The following TMEM236 variants were observed in gnomAD, a reference collection of about 807,000 sequenced individuals.
TMEM236 encodes the protein family with sequence similarity 23, member A.
In TMEM236, 11 loss-of-function variants were observed where a neutral mutation model predicts 14.7. That is an observed-to-expected ratio of 0.75 (90% CI 0.47 to 1.24). The LOEUF is 1.24. Ranked by LOEUF, TMEM236 falls within the 50% of genes most tolerant of loss-of-function variation. The pLI, the probability that TMEM236 is intolerant of heterozygous loss-of-function variation, is 0.00. For synonymous variants in TMEM236, 182 were observed against 168.6 expected (o/e 1.08, Z -0.62); for missense variants, 464 against 427.3 (o/e 1.09, Z -0.76).
chr10:17,788,488 C>T (rs1837872406), intron 3 of TMEM236, among the ~76,000 whole-genome samples: 1 of 151,124 alleles, frequency 6.6e-6, no homozygotes, highest in Non-Finnish European at 1.5e-5. Flanking sequence ...TGGTGGCTCA[C>T]ACCTGTAATC....
chr10:17,758,789 G>T (rs963754567), intron 1 of TMEM236, among the ~76,000 whole-genome samples: 2 of 152,196 alleles, frequency 1.3e-5, no homozygotes, highest in Non-Finnish European at 2.9e-5. Flanking sequence ...GGAGAATTTT[G>T]TAGGTTTCTT....
intron 2 of TMEM236, among the ~76,000 whole-genome samples, chr10:17,772,561 C>T (rs1837590305): frequency 6.6e-6 from 1 of 152,152 alleles, no homozygotes; most frequent in Non-Finnish European, 1.5e-5. Context: ...TATGATGTCT[C>T]TTCCATTGTT....
chr10:17,794,380 C>T (rs968683769), intron 3 of TMEM236, among the ~76,000 whole-genome samples: 3 of 152,076 alleles, frequency 2.0e-5, no homozygotes, highest in African/African-American at 7.2e-5. Flanking sequence ...TTCTTAGCAA[C>T]CAAAATGGTG....
In TMEM236 at chr10:17,800,583, ATTGC is replaced by A. The variant is rs1319183101; in HGVS notation, c.*4085_*4088del. On this transcript the variant is annotated 3_prime_UTR_variant, in exon 4 of 4. Coordinates refer to ENST00000377495, the MANE Select transcript of TMEM236 (RefSeq NM_001098844.3). The stretch of plus-strand genomic sequence containing the variant: ...GCATAGGAAAGAAAAGGGAAATGAA[ATTGC>A]TTGCTGAAGTCCTACTATGTTCTGG... The A allele has an allele frequency of 6.6e-6, 1 of 152,162 alleles. No homozygotes were observed. The highest frequency in any genetic ancestry group is 1.5e-5 in the Non-Finnish European group (1 of 68,032). 9.4% of individuals were successfully genotyped at this position (152,162 alleles called of 1,614,324 possible).
chr10:17,785,439 C>T (rs1383795946), intron 3 of TMEM236, among the ~76,000 whole-genome samples: 2 of 152,178 alleles, frequency 1.3e-5, no homozygotes, highest in Non-Finnish European at 1.5e-5. Flanking sequence ...CCAATCCAAG[C>T]ACAGGCCAAT....
chr10:17,798,271 G>A lies in TMEM236; in HGVS notation c.*1767G>A. Reference sequence around the variant, plus strand: ...ATTTGACATATGGCCGGCTGTGGTGGCTCACACGTGTAATCCCAGCACTTT... The same window carrying A: ...ATTTGACATATGGCCGGCTGTGGTGACTCACACGTGTAATCCCAGCACTTT... On this transcript the variant is annotated 3_prime_UTR_variant, in exon 4 of 4. Transcript: ENST00000377495. The A allele has an allele frequency of 4.1e-6, 1 of 246,256 alleles. No homozygotes were observed. Among genetic ancestry groups the A allele is most frequent in the South Asian group, 5.0e-5 (1 of 20,034 alleles). 15.3% of individuals were successfully genotyped at this position (246,256 alleles called of 1,614,324 possible). A position where few individuals can be genotyped will look rare whatever the true frequency, so the allele number is the denominator to read the frequency against.
At chr10:17,761,889 C>T (rs1444871147) in intron 1 of TMEM236, among the ~76,000 whole-genome samples, 1 of 152,114 alleles carries the variant, frequency 6.6e-6, no homozygotes, top group Non-Finnish European at 1.5e-5. Flanking sequence ...GAACTCACTA[C>T]TTTCTGTGGC....
At chr10:17,762,794 A>G (rs1309928811) in intron 1 of TMEM236, among the ~76,000 whole-genome samples, 6 of 151,264 alleles carry the variant, frequency 4.0e-5, no homozygotes, top group Non-Finnish European at 7.4e-5. Context: ...TAGCTGGGCT[A>G]CAGGTGTGCA....
At position 17,796,870 on chromosome 10, in the gene TMEM236, G is replaced by A. The variant is rs1041785462; in HGVS notation, c.*366G>A. Reference sequence around the variant, plus strand: ...GGTGAACCTCAAACTGAGCGTTCCCGCCTGCATTCCGCCTCCTGTCAGATC... The same window carrying A: ...GGTGAACCTCAAACTGAGCGTTCCCACCTGCATTCCGCCTCCTGTCAGATC... On this transcript the variant is annotated 3_prime_UTR_variant, in exon 4 of 4. Transcript: ENST00000377495. 72 of 279,558 alleles carry A rather than the reference G, an allele frequency of 2.6e-4. No individual in the cohort carries two copies. The highest frequency in any genetic ancestry group is 1.5e-3 in the African/African-American group (65 of 43,946). 17.3% of individuals were successfully genotyped at this position (279,558 alleles called of 1,614,324 possible). A position where few individuals can be genotyped will look rare whatever the true frequency, so the allele number is the denominator to read the frequency against.
At chr10:17,775,010 AG>A (rs1334526629) in intron 2 of TMEM236, among the ~76,000 whole-genome samples, 3 of 152,102 alleles carry the variant, frequency 2.0e-5, no homozygotes, top group African/African-American at 7.2e-5. Context: ...CAAGTTGGCC[AG>A]GCTGATCTCG....
chr10:17,752,681 C>T, intron 1 of TMEM236, 129 bp downstream of exon 1: 3 of 911,510 alleles, frequency 3.3e-6, no homozygotes, highest in Non-Finnish European at 5.3e-6. Context: ...ATTCTCCTGC[C>T]TCAGCCTCCT....
chr10:17,756,399 G>T (rs901453550), intron 1 of TMEM236, among the ~76,000 whole-genome samples: 3 of 151,884 alleles, frequency 2.0e-5, no homozygotes, highest in Non-Finnish European at 2.9e-5. Flanking sequence ...AGGTTCACAC[G>T]ATTCTCTTGC....
At chr10:17,790,044 C>CA (rs1220137946) in intron 3 of TMEM236, among the ~76,000 whole-genome samples, 4 of 151,580 alleles carry the variant, frequency 2.6e-5, no homozygotes, top group East Asian at 1.9e-4. Flanking sequence ...AAGAATAAAA[C>CA]AAAAAAACAA....
intron 1 of TMEM236, 116 bp from the exon 2 acceptor site, chr10:17,771,193 C>T (rs1229255621): frequency 3.2e-5 from 30 of 932,160 alleles, no homozygotes; most frequent in Non-Finnish European, 5.1e-5. Context: ...AGGGAAGCAG[C>T]AGCTTCTTAG....
chr10:17,788,841 C>A (rs1026647966), intron 3 of TMEM236, among the ~76,000 whole-genome samples: 61 of 152,300 alleles, frequency 4.0e-4, no homozygotes, highest in African/African-American at 1.4e-3. Flanking sequence ...GCTGGGAATG[C>A]ATGCCCACAG....
chr10:17,774,312 T>C (rs964558083), intron 2 of TMEM236, among the ~76,000 whole-genome samples: 17 of 152,208 alleles, frequency 1.1e-4, no homozygotes, highest in African/African-American at 3.9e-4. Flanking sequence ...CCTGAAGTGC[T>C]GGGATTTCAG....
At chr10:17,773,267 TG>T (rs1255962477) in intron 2 of TMEM236, among the ~76,000 whole-genome samples, 1 of 152,198 alleles carries the variant, frequency 6.6e-6, no homozygotes, top group African/African-American at 2.4e-5. Flanking sequence ...TCAAACAGAT[TG>T]TACTGATTTC....
intron 1 of TMEM236, among the ~76,000 whole-genome samples, chr10:17,767,733 A>T (rs1837491846): frequency 6.6e-6 from 1 of 152,264 alleles, no homozygotes; most frequent in Non-Finnish European, 1.5e-5. Flanking sequence ...TTGGTAACAA[A>T]CCACAGTAAT....
chr10:17,776,958 A>C (rs1451260461), intron 3 of TMEM236, among the ~76,000 whole-genome samples: 4 of 152,146 alleles, frequency 2.6e-5, no homozygotes, highest in Non-Finnish European at 4.4e-5. Context: ...TTTAATTGGC[A>C]ATATTTGTAT....
Sources: gnomAD v4.1 joint callset for allele counts (sites outside exome capture counted in the v4.1 genomes callset) on GRCh38, gnomAD v4.1.1 for gene constraint, MANE v1.5 for transcripts, NCBI Gene and HGNC (gene_info 2026-07-23, HGNC 2026-07-21) for gene names.